The following SLC2A13 variants were observed in gnomAD, a reference collection of about 807,000 sequenced individuals.
SLC2A13 encodes solute carrier family 2 member 13, also known as proton myo-inositol cotransporter.
In SLC2A13, 32 loss-of-function variants were observed where a neutral mutation model predicts 64.4. The ratio of observed to expected loss-of-function variants is 0.50; its 90% CI spans 0.37 to 0.67. SLC2A13 has a LOEUF of 0.67. SLC2A13 is among the 30% of genes least tolerant of loss of function. The probability of loss-of-function intolerance (pLI) is 0.00; values close to 1 mark genes in which losing one functional copy is unlikely to be tolerated. For missense variants in SLC2A13, 743 were observed against 829.2 expected, an observed-to-expected ratio of 0.90 and a Z score of 1.28; for synonymous variants, 338 against 327.1, an observed-to-expected ratio of 1.03 and a Z score of -0.36.
At chr12:40,019,359 ATT>A (rs11324751) in intron 3 of SLC2A13, among the ~76,000 whole-genome samples, 97 of 151,146 alleles carry the variant, frequency 6.4e-4, no homozygotes, top group East Asian at 1.9e-3. Flanking sequence ...ACAATGCCTA[ATT>A]TTTTTTTTTT....
At chr12:39,799,341 C>G (rs1362905416) in intron 7 of SLC2A13, among the ~76,000 whole-genome samples, 3 of 148,264 alleles carry the variant, frequency 2.0e-5, no homozygotes, top group Non-Finnish European at 4.4e-5. Flanking sequence ...AACTCCTGGC[C>G]TCAAGTGATC....
chr12:40,063,738 G>T (rs1172289059), intron 1 of SLC2A13, among the ~76,000 whole-genome samples: 3 of 152,096 alleles, frequency 2.0e-5, no homozygotes, highest in East Asian at 3.9e-4. Context: ...ACTAATTAAG[G>T]TGTGCAAATC....
At chr12:40,082,757 A>C (rs1011443781) in intron 1 of SLC2A13, among the ~76,000 whole-genome samples, 1 of 152,172 alleles carries the variant, frequency 6.6e-6, no homozygotes, top group Admixed American at 6.5e-5. Flanking sequence ...CTGCCAGCTC[A>C]AATATCCATA....
At chr12:40,010,590 T>G (rs1947514634) in intron 3 of SLC2A13, among the ~76,000 whole-genome samples, 1 of 152,206 alleles carries the variant, frequency 6.6e-6, no homozygotes, top group African/African-American at 2.4e-5. Flanking sequence ...CCATCTAATT[T>G]TAATGATTTT....
At chr12:39,973,947 T>A (rs1317095095) in intron 3 of SLC2A13, among the ~76,000 whole-genome samples, 2 of 152,234 alleles carry the variant, frequency 1.3e-5, no homozygotes, top group Non-Finnish European at 2.9e-5. Context: ...CACATTTCCA[T>A]ACCATTCTGT....
chr12:39,805,372 G>A (rs1325742622), intron 7 of SLC2A13, among the ~76,000 whole-genome samples: 1 of 152,118 alleles, frequency 6.6e-6, no homozygotes, highest in Non-Finnish European at 1.5e-5. Flanking sequence ...AATAATCCTG[G>A]GGTGGCTGGA....
chr12:39,913,987 C>A (rs1406807937), intron 4 of SLC2A13, among the ~76,000 whole-genome samples: 1 of 151,914 alleles, frequency 6.6e-6, no homozygotes, highest in Non-Finnish European at 1.5e-5. Flanking sequence ...AAAGAATCAA[C>A]CTATGCAACC....
intron 3 of SLC2A13, among the ~76,000 whole-genome samples, chr12:40,022,467 T>C (rs1947735782): frequency 6.6e-6 from 1 of 152,228 alleles, no homozygotes; most frequent in Non-Finnish European, 1.5e-5. Flanking sequence ...GCCAATATTC[T>C]GGCTGGCATT....
At chr12:39,951,438 A>G in intron 3 of SLC2A13, 73 bp from the exon 4 acceptor site, 1 of 1,230,538 alleles carries the variant, frequency 8.1e-7, no homozygotes, top group Admixed American at 3.0e-5. Context: ...TCCCAATAGG[A>G]CAAATTTTCC....
chr12:40,104,362 T>C (rs1469278259), intron 1 of SLC2A13, among the ~76,000 whole-genome samples: 1 of 152,130 alleles, frequency 6.6e-6, no homozygotes, highest in African/African-American at 2.4e-5. Context: ...AACTTGCCAA[T>C]TGTACCTCCC....
chr12:39,896,112 G>T, intron 4 of SLC2A13, among the ~76,000 whole-genome samples: 1 of 139,534 alleles, frequency 7.2e-6, no homozygotes, highest in East Asian at 2.1e-4. Context: ...ATACATATAT[G>T]AATGCATACA....
intron 1 of SLC2A13, among the ~76,000 whole-genome samples, chr12:40,083,417 G>C (rs1300059679): frequency 6.6e-6 from 1 of 152,114 alleles, no homozygotes; most frequent in Non-Finnish European, 1.5e-5. Flanking sequence ...ATACCAGCAA[G>C]GGAAACTACA....
chr12:39,766,799 A>G (rs1566762586), intron 7 of SLC2A13, among the ~76,000 whole-genome samples: 1 of 152,094 alleles, frequency 6.6e-6, no homozygotes, highest in Admixed American at 6.6e-5. Flanking sequence ...CTTAAGAAAC[A>G]ACTCCTTATC....
At chr12:40,001,724 G>C (rs1315418967) in intron 3 of SLC2A13, among the ~76,000 whole-genome samples, 2 of 152,088 alleles carry the variant, frequency 1.3e-5, no homozygotes, top group African/African-American at 2.4e-5. Flanking sequence ...TAGCACCACT[G>C]GGATGTAAAA....
At chr12:39,891,029 G>T (rs1384366813) in intron 4 of SLC2A13, among the ~76,000 whole-genome samples, 1 of 151,706 alleles carries the variant, frequency 6.6e-6, no homozygotes, top group Non-Finnish European at 1.5e-5. Flanking sequence ...TTTAAACAAT[G>T]AATCTTATAT....
chr12:39,910,440 G>A (rs1421654264), intron 4 of SLC2A13, among the ~76,000 whole-genome samples: 1 of 152,048 alleles, frequency 6.6e-6, no homozygotes, highest in Non-Finnish European at 1.5e-5. Context: ...TGTTATAGGT[G>A]AAGCTTTGAT....
intron 7 of SLC2A13, among the ~76,000 whole-genome samples, chr12:39,823,430 C>A (rs1942580184): frequency 6.6e-6 from 1 of 150,516 alleles, no homozygotes; most frequent in Non-Finnish European, 1.5e-5. Flanking sequence ...AAAGTGATAT[C>A]TCTTTTCAAA....
At chr12:39,863,696 G>C (rs1490328576) in intron 6 of SLC2A13, among the ~76,000 whole-genome samples, 2 of 152,060 alleles carry the variant, frequency 1.3e-5, no homozygotes, top group African/African-American at 4.8e-5. Flanking sequence ...GACTATGAAA[G>C]TCAGTGAGCC....
At chr12:40,080,175 TGAC>T (rs1367437501) in intron 1 of SLC2A13, among the ~76,000 whole-genome samples, 1 of 139,458 alleles carries the variant, frequency 7.2e-6, no homozygotes, top group Non-Finnish European at 1.5e-5. Context: ...TTGTCCTTTT[TGAC>T]CATTGATGGC....
Sources: gnomAD v4.1 joint callset for allele counts (sites outside exome capture counted in the v4.1 genomes callset) on GRCh38, gnomAD v4.1.1 for gene constraint, MANE v1.5 for transcripts, NCBI Gene and HGNC (gene_info 2026-07-23, HGNC 2026-07-21) for gene names.